The following GYS2 variants were observed in gnomAD, a reference collection of about 807,000 sequenced individuals.
GYS2 encodes the protein glycogen synthase 2.
GYS2 carries 80 observed loss-of-function variants against 85.6 expected under a neutral mutation model. The observed-to-expected ratio is 0.93, with a 90% CI of 0.78 to 1.13. The LOEUF (loss-of-function observed/expected upper bound fraction) is 1.13, where lower values mean the gene tolerates loss of function less well. Ranked by LOEUF, GYS2 falls within the 50% of genes most tolerant of loss-of-function variation. The pLI, the probability that GYS2 is intolerant of heterozygous loss-of-function variation, is 0.00. For synonymous variants in GYS2, 328 were observed against 300.7 expected (o/e 1.09, Z -0.94); for missense variants, 881 against 854.9 (o/e 1.03, Z -0.38).
chr12:21,599,761 T>C (rs1350147983), intron 1 of GYS2, among the ~76,000 whole-genome samples: 2 of 152,192 alleles, frequency 1.3e-5, no homozygotes, highest in Non-Finnish European at 1.5e-5. Flanking sequence ...TCTCTTTTTG[T>C]GTTTAAAAAT....
At chr12:21,551,275 C>T (rs565735925) in intron 11 of GYS2, among the ~76,000 whole-genome samples, 5 of 149,778 alleles carry the variant, frequency 3.3e-5, no homozygotes, top group Non-Finnish European at 5.9e-5. Flanking sequence ...TGTTTATTCA[C>T]GAAATAATAA....
rs564312037 is a variant in GYS2, at chr12:21,557,447, T to C, written c.1422+753A>G. Among the ~76,000 whole-genome samples, 347 of 152,258 alleles carry C rather than the reference T, an allele frequency of 2.3e-3. 3 individuals carry two copies. The Middle Eastern group carries it at 0.041, about 18-fold the overall frequency. On this transcript the variant is annotated intron_variant, in intron 11 of 15. Coordinates refer to ENST00000261195, the MANE Select transcript of GYS2 (RefSeq NM_021957.4). ...AAAGAATGAATTGCTCTATAGAAAA[T>C]TTTATAAAAACATTATCAGCCACAT...
At chr12:21,535,360 T>C (rs1286080674), downstream of GYS2, among the ~76,000 whole-genome samples, 3 of 152,186 alleles carry the variant, frequency 2.0e-5, no homozygotes, top group African/African-American at 7.2e-5. Flanking sequence ...ACAGTATCTT[T>C]CTGGTACTTC....
Position 21,537,485 on chromosome 12 carries a change from G to T in GYS2, c.1891-310C>A, listed in dbSNP as rs370778928. 101 of 348,228 alleles carry T rather than the reference G, an allele frequency of 2.9e-4. 1 individual carries two copies. In the East Asian group the frequency reaches 3.8e-3, roughly 13 times the overall value. The allele number at this position is 348,228 out of a possible 1,614,324, so 21.6% of individuals were successfully genotyped here. A position where few individuals can be genotyped will look rare whatever the true frequency, so the allele number is the denominator to read the frequency against. On this transcript the variant is annotated intron_variant, in intron 15 of 15. Coordinates refer to ENST00000261195, the MANE Select transcript of GYS2 (RefSeq NM_021957.4). ...CAGAAGAAAATGGAGGGTTAGAGGG[G>T]TCAAGTAACTTGCCCAACATCACTC...
At position 21,536,580 on chromosome 12, in the gene GYS2, T is replaced by A. The variant is rs774241227; in HGVS notation, c.*374A>T. On this transcript the variant is annotated 3_prime_UTR_variant, in exon 16 of 16. Transcript: ENST00000261195. ...GGTTTTCGGGGGGGAAATGGGAAAT[T>A]TGTGTGGTGGGGTAGAGAAGCTGCA... 8.8e-6 allele frequency: 2 copies of A among 228,350 alleles called. No homozygotes were observed. The highest frequency in any genetic ancestry group is 1.7e-5 in the Non-Finnish European group (2 of 115,834). 14.1% of individuals were successfully genotyped at this position (228,350 alleles called of 1,614,324 possible). A position where few individuals can be genotyped will look rare whatever the true frequency, so the allele number is the denominator to read the frequency against.
chr12:21,545,008 T>C (rs1761280110), intron 12 of GYS2, among the ~76,000 whole-genome samples: 1 of 152,210 alleles, frequency 6.6e-6, no homozygotes, highest in Admixed American at 6.5e-5. Context: ...TTCCTCTTCA[T>C]AATTCAGCCT....
intron 2 of GYS2, among the ~76,000 whole-genome samples, chr12:21,577,165 T>A (rs1337698916): frequency 6.6e-6 from 1 of 152,190 alleles, no homozygotes; most frequent in Non-Finnish European, 1.5e-5. Flanking sequence ...TTAGTGTTTA[T>A]CATGCCACTG....
chr12:21,567,014 A>AGTAGAAT (rs1370003538), intron 5 of GYS2, among the ~76,000 whole-genome samples: 1 of 152,222 alleles, frequency 6.6e-6, no homozygotes, highest in East Asian at 1.9e-4. Context: ...CTGGAAAGAA[A>AGTAGAAT]GTAGAATGTG....
intron 12 of GYS2, among the ~76,000 whole-genome samples, chr12:21,544,986 T>C (rs1944021195): frequency 6.6e-6 from 1 of 152,156 alleles, no homozygotes. Context: ...ATGCAAATAA[T>C]AGAAAAAATT....
intron 15 of GYS2, among the ~76,000 whole-genome samples, chr12:21,538,640 C>G (rs1943937218): frequency 6.6e-6 from 1 of 152,122 alleles, no homozygotes; most frequent in African/African-American, 2.4e-5. Context: ...AGATGTTTAG[C>G]TCTTGGATTG....
intron 1 of GYS2, among the ~76,000 whole-genome samples, chr12:21,581,079 G>A (rs570381032): frequency 4.6e-5 from 7 of 152,280 alleles, no homozygotes; most frequent in South Asian, 4.1e-4. Context: ...TAAGGAGAAC[G>A]TGCTTATAGA....
intron 1 of GYS2, among the ~76,000 whole-genome samples, chr12:21,596,093 G>T (rs1244887638): frequency 1.3e-5 from 2 of 151,996 alleles, no homozygotes; most frequent in East Asian, 3.9e-4. Context: ...AACAAGCAGT[G>T]AGATTTAATT....
chr12:21,540,668 A>G (rs2136838644), intron 13 of GYS2, 95 bp from the exon 14 acceptor site: 1 of 1,095,608 alleles, frequency 9.1e-7, no homozygotes, highest in South Asian at 1.3e-5. Flanking sequence ...TCCATCAAAA[A>G]CCTATGCATT....
intron 1 of GYS2, among the ~76,000 whole-genome samples, chr12:21,586,434 T>C (rs1053965020): frequency 2.9e-4 from 44 of 151,720 alleles, no homozygotes; most frequent in Non-Finnish European, 4.4e-5. Context: ...TATCTATCTA[T>C]CTATCTATCT....
downstream of GYS2, among the ~76,000 whole-genome samples, chr12:21,533,448 A>T (rs575963074): frequency 6.6e-6 from 1 of 152,368 alleles, no homozygotes; most frequent in South Asian, 2.1e-4. Flanking sequence ...TTGGGAATGT[A>T]ACTTCATTCT....
intron 2 of GYS2, among the ~76,000 whole-genome samples, chr12:21,576,506 A>G (rs1415835001): frequency 6.6e-6 from 1 of 152,218 alleles, no homozygotes; most frequent in Non-Finnish European, 1.5e-5. Flanking sequence ...TAGAAGAAAA[A>G]GCTATTTCTG....
At chr12:21,565,153 T>C (rs1950492678) in intron 5 of GYS2, among the ~76,000 whole-genome samples, 2 of 151,962 alleles carry the variant, frequency 1.3e-5, no homozygotes, top group African/African-American at 4.8e-5. Context: ...CTAATATCCA[T>C]ATTTATAACA....
chr12:21,563,810 C>T lies in GYS2; in HGVS notation c.824-465G>A, dbSNP rs955593997. On this transcript the variant is annotated intron_variant, in intron 5 of 15. Coordinates refer to ENST00000261195, the MANE Select transcript of GYS2 (RefSeq NM_021957.4). ...GTCCAAGAACACACAGCTGGTAAGTCGAAGCAGAATCCATGCAGTCTGACC... is the reference window on the plus strand; with the variant it reads ...GTCCAAGAACACACAGCTGGTAAGTTGAAGCAGAATCCATGCAGTCTGACC... Among the ~76,000 whole-genome samples the T allele has an allele frequency of 3.9e-5, 6 of 152,130 alleles. No homozygotes were observed. In the East Asian group the frequency reaches 7.7e-4, roughly 20 times the overall value.
chr12:21,534,625 A>G (rs576751031), downstream of GYS2, among the ~76,000 whole-genome samples: 9 of 152,230 alleles, frequency 5.9e-5, no homozygotes, highest in Admixed American at 2.6e-4. Context: ...GAAAGAAAAA[A>G]AGAGAGAAAG....
Sources: gnomAD v4.1 joint callset for allele counts (sites outside exome capture counted in the v4.1 genomes callset) on GRCh38, gnomAD v4.1.1 for gene constraint, MANE v1.5 for transcripts, NCBI Gene and HGNC (gene_info 2026-07-23, HGNC 2026-07-21) for gene names.